Variants in PDE4DIP observed in about 807,000 individuals in gnomAD.
The protein encoded by PDE4DIP is myomegalin.
Under a neutral mutation model 221.4 loss-of-function variants are expected in PDE4DIP, and 59 were observed. The observed-to-expected ratio is 0.27, with a 90% CI of 0.22 to 0.33. The LOEUF (loss-of-function observed/expected upper bound fraction) is 0.33. Among genes scored for constraint, PDE4DIP ranks in the 10% least tolerant of loss-of-function variants. The pLI is 1.00. For missense variants in PDE4DIP, 1,036 were observed against 2,154.2 expected (o/e 0.48, Z 10.28); for synonymous variants, 404 against 815.9 (o/e 0.50, Z 8.60).
At chr1:149,030,506 GTCA>G (rs2076435528) in intron 43 of PDE4DIP, 1 of 937,544 alleles carries the variant, frequency 1.1e-6, no homozygotes, top group Admixed American at 6.2e-5. Flanking sequence ...CTCTCACATT[GTCA>G]TCATCTCTCC....
In PDE4DIP at chr1:148,892,429, G is replaced by T. The variant is rs1483499188; in HGVS notation, c.141+2535G>T. Among the ~76,000 whole-genome samples the T allele has an allele frequency of 2.6e-3, 318 of 121,992 alleles. 91 individuals carry two copies. The highest frequency in any genetic ancestry group is 0.01 in the African/African-American group (308 of 29,536). 80.0% of individuals were successfully genotyped at this position (121,992 alleles called of 152,430 possible). ...GTGAGAAGGCACCATTTCTCACCTGGAGAAGTGTGATAAATGAGATTATAG... is the reference window on the plus strand; with the variant it reads ...GTGAGAAGGCACCATTTCTCACCTGTAGAAGTGTGATAAATGAGATTATAG... On this transcript the variant is annotated intron_variant, in intron 1 of 43. Transcript: ENST00000369354.
chr1:149,016,281 A>G lies in PDE4DIP; in HGVS notation c.5267-18A>G, dbSNP rs368859992. The G allele has an allele frequency of 4.3e-6, 7 of 1,613,290 alleles. No individual in the cohort carries two copies. In the African/African-American group the frequency reaches 9.4e-5, roughly 22 times the overall value. Reference sequence around the variant, plus strand: ...CTGACACCCCATTTGCTTCTTACTAATGTTTCTTTCTGCCCAGGTGCCAGC... The same window carrying G: ...CTGACACCCCATTTGCTTCTTACTAGTGTTTCTTTCTGCCCAGGTGCCAGC... On this transcript the variant is annotated intron_variant, in intron 32 of 43. Coordinates refer to ENST00000369354, the Ensembl canonical transcript of PDE4DIP.
chr1:148,934,997 G>A (rs769875963), intron 4 of PDE4DIP, among the ~76,000 whole-genome samples: 7 of 151,960 alleles, frequency 4.6e-5, no homozygotes, highest in South Asian at 2.1e-4. Context: ...GCCGAGGCGG[G>A]CGGATCACGA....
intron 41 of PDE4DIP, among the ~76,000 whole-genome samples, chr1:149,029,239 G>A (rs2076022384): frequency 6.6e-6 from 1 of 152,162 alleles, no homozygotes; most frequent in Admixed American, 6.5e-5. Context: ...ACTCTGATTG[G>A]CAGACCCTCA....
chr1:148,953,475 G>A (rs782421268), intron 5 of PDE4DIP: 2 of 1,606,362 alleles, frequency 1.2e-6, no homozygotes, highest in African/African-American at 1.3e-5. Flanking sequence ...GATGGAGAAA[G>A]CATGGAGGAA....
rs1231067000 is a variant in PDE4DIP at position 148,975,175 on chromosome 1, GATA to G, written c.2319+591_2319+593del. Among the ~76,000 whole-genome samples the G allele has an allele frequency of 1.6e-4, 23 of 146,474 alleles. 2 individuals are homozygous for G. Among genetic ancestry groups the G allele is most frequent in the Admixed American group, 3.4e-4 (5 of 14,812 alleles). ...AACAAGAGCAAAACTCCGCCTCCAAGATAATAATAATAATAATAATAATTGTAA... is the reference window on the plus strand; with the variant it reads ...AACAAGAGCAAAACTCCGCCTCCAAGATAATAATAATAATAATAATTGTAA... On this transcript the variant is annotated intron_variant, in intron 17 of 43. Coordinates refer to ENST00000369354, the Ensembl canonical transcript of PDE4DIP.
chr1:148,932,903 C>G (rs1222476921), intron 4 of PDE4DIP, among the ~76,000 whole-genome samples: 1 of 152,074 alleles, frequency 6.6e-6, no homozygotes, highest in Admixed American at 6.6e-5. Flanking sequence ...GGGATTAATA[C>G]GCTTGTAAAA....
At chr1:148,954,503 C>T (rs1194002060) in intron 5 of PDE4DIP, among the ~76,000 whole-genome samples, 1 of 151,958 alleles carries the variant, frequency 6.6e-6, no homozygotes, top group East Asian at 1.9e-4. Context: ...AGTGATGACT[C>T]ATTCATAAAA....
At chr1:149,023,883 AAC>A (rs1326409048) in intron 37 of PDE4DIP, among the ~76,000 whole-genome samples, 6 of 151,540 alleles carry the variant, frequency 4.0e-5, no homozygotes, top group African/African-American at 1.5e-4. Context: ...AACATATATA[AAC>A]ACACTATATG....
chr1:148,984,052 G>A (rs1322273373), intron 21 of PDE4DIP: 3 of 152,018 alleles, frequency 2.0e-5, no homozygotes, highest in African/African-American at 7.2e-5. Flanking sequence ...TCCTTAGATA[G>A]ATATTGTCCC....
chr1:148,978,743 C>T (rs771376698), intron 19 of PDE4DIP, among the ~76,000 whole-genome samples: 8 of 151,926 alleles, frequency 5.3e-5, no homozygotes, highest in Non-Finnish European at 1.0e-4. Flanking sequence ...CCACCACGCC[C>T]GGCTCAAACC....
chr1:148,989,992 C>T (rs587633252), intron 21 of PDE4DIP, among the ~76,000 whole-genome samples: 2 of 152,268 alleles, frequency 1.3e-5, no homozygotes, highest in South Asian at 2.1e-4. Flanking sequence ...ACACTGTCTG[C>T]CACAGACCTC....
intron 1 of PDE4DIP, among the ~76,000 whole-genome samples, chr1:148,819,916 CTTTTTTTTTTTTT>C: frequency 2.9e-5 from 1 of 34,792 alleles, no homozygotes; most frequent in Admixed American, 2.6e-4. Flanking sequence ...CTGTTTATAT[CTTTTTTTTTTTTT>C]TTTTTTTTTT....
intron 2 of PDE4DIP, chr1:148,930,290 G>T (rs1188861211): frequency 1.3e-5 from 2 of 152,080 alleles, no homozygotes; most frequent in Non-Finnish European, 2.9e-5. Flanking sequence ...GAGGTGGGTG[G>T]ATCACGAGGT....
intron 9 of PDE4DIP, among the ~76,000 whole-genome samples, chr1:148,965,142 T>C (rs1358559073): frequency 1.3e-5 from 2 of 151,806 alleles, no homozygotes; most frequent in African/African-American, 2.4e-5. Flanking sequence ...TATGAGATCT[T>C]TAGAAAAAAG....
intron 1 of PDE4DIP, among the ~76,000 whole-genome samples, chr1:148,819,883 T>C (rs1204217100): frequency 2.2e-5 from 2 of 90,752 alleles, no homozygotes; most frequent in African/African-American, 1.1e-4. Context: ...TCTTTCTTCT[T>C]TTATTTAACT....
chr1:149,013,158 G>A (rs1216167268), intron 32 of PDE4DIP, among the ~76,000 whole-genome samples: 3 of 152,234 alleles, frequency 2.0e-5, no homozygotes, highest in Non-Finnish European at 4.4e-5. Flanking sequence ...GCCACATTCA[G>A]TGGGCTCCTT....
chr1:149,000,145 C>A, intron 23 of PDE4DIP, among the ~76,000 whole-genome samples: 1 of 152,294 alleles, frequency 6.6e-6, no homozygotes, highest in Non-Finnish European at 1.5e-5. Context: ...TTCCAAGACT[C>A]CTGGATTCTG....
At chr1:148,860,000 A>G (rs1553399304) in intron 1 of PDE4DIP, among the ~76,000 whole-genome samples, 2 of 72,812 alleles carry the variant, frequency 2.7e-5, no homozygotes, top group South Asian at 9.2e-4. Flanking sequence ...TTCCTTTGTA[A>G]CTTGTGGAGC....
Sources: allele counts gnomAD v4.1 joint callset (sites outside exome capture counted in the v4.1 genomes callset), GRCh38; gene constraint gnomAD v4.1.1; transcripts MANE v1.5; gene names NCBI Gene and HGNC (gene_info 2026-07-23, HGNC 2026-07-21).